CDK6: variants seen among roughly 807,000 people sequenced by gnomAD.
CDK6 encodes the protein cyclin-dependent kinase 6.
In CDK6, 6 loss-of-function variants were observed where a neutral mutation model predicts 37.1. That is an observed-to-expected ratio of 0.16 (90% CI 0.09 to 0.32). The LOEUF is 0.32. Among genes scored for constraint, CDK6 ranks in the 10% least tolerant of loss-of-function variants. The probability of loss-of-function intolerance (pLI) is 1.00; values close to 1 mark genes in which losing one functional copy is unlikely to be tolerated. For missense variants in CDK6, 224 were observed against 418.9 expected, an observed-to-expected ratio of 0.53 and a Z score of 4.06; for synonymous variants, 160 against 161.3, an observed-to-expected ratio of 0.99 and a Z score of 0.06.
At chr7:92,795,310 T>C (rs1039797445) in intron 2 of CDK6, among the ~76,000 whole-genome samples, 2 of 152,126 alleles carry the variant, frequency 1.3e-5, no homozygotes, top group African/African-American at 2.4e-5. Flanking sequence ...AATGTTTGGC[T>C]CATGAAAGGG....
rs113941367 is a variant in CDK6 at position 92,650,896 on chromosome 7, C to CT, written c.647+20529dup. 5.3e-3 allele frequency among the ~76,000 whole-genome samples: 772 copies of CT among 145,964 alleles called. 6 individuals are homozygous for CT. The highest frequency in any genetic ancestry group is 0.015 in the African/African-American group (607 of 40,062). ...CTTCTAGCCTGAGAAAATTCTCTCT[C>CT]TTTTTTTTTTTTTAGACGGAGTCTC... On this transcript the variant is annotated intron_variant, in intron 5 of 7. Coordinates refer to ENST00000424848, the MANE Select transcript of CDK6 (RefSeq NM_001145306.2).
Position 92,611,707 on chromosome 7 carries a change from A to G in CDK6, c.*3433T>C, listed in dbSNP as rs1328718779. Reference sequence around the variant, plus strand: ...GGAGAGTCAAACTATACATTTCTCTATAGAAAAGAAACATGCTTTATTTAA... The same window carrying G: ...GGAGAGTCAAACTATACATTTCTCTGTAGAAAAGAAACATGCTTTATTTAA... On this transcript the variant is annotated 3_prime_UTR_variant, in exon 8 of 8. Coordinates refer to ENST00000424848, the MANE Select transcript of CDK6 (RefSeq NM_001145306.2). The G allele has an allele frequency of 1.3e-5, 3 of 229,230 alleles. No homozygotes were observed. Among genetic ancestry groups the G allele is most frequent in the Non-Finnish European group, 2.6e-5 (3 of 115,704 alleles). The allele number at this position is 229,230 out of a possible 1,614,324, so 14.2% of individuals were successfully genotyped here.
Position 92,835,948 on chromosome 7 carries a change from G to A in CDK6, c.-368+530C>T, listed in dbSNP as rs921688674. On this transcript the variant is annotated intron_variant, in intron 1 of 7. Coordinates refer to ENST00000424848, the MANE Select transcript of CDK6 (RefSeq NM_001145306.2). This position sits in a 1 kb window ranked among gnomAD's most constrained non-coding sequence, Gnocchi z 4.2. ...TTTTCTGTGTATAACACGCCCGCAG[G>A]AAGCCTGCGTTAACATTTATCTCGT... Among the ~76,000 whole-genome samples, 1 of 152,262 alleles carries A rather than the reference G, an allele frequency of 6.6e-6. No individual in the cohort carries two copies. Among genetic ancestry groups the A allele is most frequent in the African/African-American group, 2.4e-5 (1 of 41,474 alleles).
At chr7:92,662,301 T>G (rs1796856740) in intron 5 of CDK6, among the ~76,000 whole-genome samples, 1 of 151,886 alleles carries the variant, frequency 6.6e-6, no homozygotes, top group South Asian at 2.1e-4. Context: ...GAGATGGGGC[T>G]GAATGTTGGG....
chr7:92,725,442 G>T, intron 4 of CDK6, 184 bp downstream of exon 4: 2 of 698,940 alleles, frequency 2.9e-6, no homozygotes, highest in Non-Finnish European at 3.5e-6. Context: ...GCCCAGGCTG[G>T]ATGTGACTGT....
Position 92,835,985 on chromosome 7 carries a change from T to G in CDK6, c.-368+493A>C, listed in dbSNP as rs1390982169. 1.3e-5 allele frequency among the ~76,000 whole-genome samples: 2 copies of G among 152,070 alleles called. No homozygotes were observed. Among genetic ancestry groups the G allele is most frequent in the Non-Finnish European group, 2.9e-5 (2 of 68,004 alleles). ...AACATTTATCTCGTGGAGGGGAAGGTGGAGCCCACACCCACACCTCAGCGA... is the reference window on the plus strand; with the variant it reads ...AACATTTATCTCGTGGAGGGGAAGGGGGAGCCCACACCCACACCTCAGCGA... On this transcript the variant is annotated intron_variant, in intron 1 of 7. Coordinates refer to ENST00000424848, the MANE Select transcript of CDK6 (RefSeq NM_001145306.2). This position sits in a 1 kb window ranked among gnomAD's most constrained non-coding sequence, Gnocchi z 4.2.
intron 2 of CDK6, among the ~76,000 whole-genome samples, chr7:92,798,423 C>T (rs1800474810): frequency 6.6e-6 from 1 of 152,266 alleles, no homozygotes; most frequent in South Asian, 2.1e-4. Context: ...CATTTCAACT[C>T]TAAGTTAACA....
intron 3 of CDK6, among the ~76,000 whole-genome samples, chr7:92,766,206 T>G (rs573491884): frequency 6.6e-6 from 1 of 152,242 alleles, no homozygotes; most frequent in South Asian, 2.1e-4. Context: ...GGATGGTCCA[T>G]AAAGGGGCAG....
intron 4 of CDK6, among the ~76,000 whole-genome samples, chr7:92,688,370 T>C (rs1797512712): frequency 6.6e-6 from 1 of 152,168 alleles, no homozygotes; most frequent in Admixed American, 6.5e-5. Context: ...CTAACTGGAC[T>C]TTCTTGGTAA....
intron 4 of CDK6, among the ~76,000 whole-genome samples, chr7:92,675,509 T>C (rs1797182894): frequency 6.6e-6 from 1 of 152,232 alleles, no homozygotes; most frequent in South Asian, 2.1e-4. Context: ...ACTCTGAAAT[T>C]CTATTTGCTA....
intron 2 of CDK6, among the ~76,000 whole-genome samples, 176 bp downstream of exon 2, chr7:92,832,915 C>T: frequency 6.6e-6 from 1 of 152,328 alleles, no homozygotes; most frequent in East Asian, 1.9e-4. Context: ...AGGTCACCGG[C>T]TCTGGCTCGC....
intron 2 of CDK6, among the ~76,000 whole-genome samples, chr7:92,785,974 C>T (rs889596099): frequency 2.0e-5 from 3 of 152,174 alleles, no homozygotes; most frequent in Non-Finnish European, 4.4e-5. Context: ...AAAAAAGGCA[C>T]ACTTCAATTC....
At chr7:92,735,721 A>G (rs192734382) in intron 3 of CDK6, among the ~76,000 whole-genome samples, 8 of 152,308 alleles carry the variant, frequency 5.3e-5, no homozygotes, top group Admixed American at 3.9e-4. Context: ...GAATCACCCA[A>G]TAGTCTATAG....
At chr7:92,801,040 T>A (rs1164673534) in intron 2 of CDK6, among the ~76,000 whole-genome samples, 1 of 152,164 alleles carries the variant, frequency 6.6e-6, no homozygotes, top group Non-Finnish European at 1.5e-5. Flanking sequence ...CAAATCTGTT[T>A]TACCTTTACA....
chr7:92,667,233 G>A (rs2116594265), intron 5 of CDK6, among the ~76,000 whole-genome samples: 2 of 152,260 alleles, frequency 1.3e-5, no homozygotes, highest in South Asian at 4.1e-4. Context: ...TTAGACACAA[G>A]GTTATCTAGG....
At chr7:92,805,873 G>A (rs1050103933) in intron 2 of CDK6, among the ~76,000 whole-genome samples, 2 of 151,994 alleles carry the variant, frequency 1.3e-5, no homozygotes, top group East Asian at 1.9e-4. Flanking sequence ...ACTACCTACC[G>A]GTTCTCTTCT....
intron 5 of CDK6, among the ~76,000 whole-genome samples, chr7:92,631,035 C>A (rs552167315): frequency 6.6e-6 from 1 of 152,304 alleles, no homozygotes; most frequent in South Asian, 2.1e-4. Context: ...CACCATACCA[C>A]ATAATAAACT....
rs1276119397 is a variant in CDK6, at chr7:92,718,656, G to A, written c.537+6970C>T. Among the ~76,000 whole-genome samples the A allele has an allele frequency of 2.6e-5, 4 of 152,136 alleles. No homozygotes were observed. In the East Asian group the frequency reaches 5.8e-4, roughly 22 times the overall value. ...ACATTCACAGGGCCCACATCCAGGC[G>A]CGTTCAACAGGAGGATGCTGGTGAC... On this transcript the variant is annotated intron_variant, in intron 4 of 7. Transcript: ENST00000424848.
In CDK6 at chr7:92,605,528, C is replaced by G. The variant is rs1281082580; in HGVS notation, c.*9612G>C. 1 of 233,002 alleles carries G rather than the reference C, an allele frequency of 4.3e-6. No individual in the cohort carries two copies. Among genetic ancestry groups the G allele is most frequent in the African/African-American group, 2.2e-5 (1 of 45,340 alleles). The allele number at this position is 233,002 out of a possible 1,614,324, so 14.4% of individuals were successfully genotyped here. On this transcript the variant is annotated 3_prime_UTR_variant, in exon 8 of 8. Transcript: ENST00000424848. ...TATTTTACGTTACATATTTACCCTACTTTTCTATTCTCCTCCTCAGATAGG... is the reference window on the plus strand; with the variant it reads ...TATTTTACGTTACATATTTACCCTAGTTTTCTATTCTCCTCCTCAGATAGG...
Sources: allele counts gnomAD v4.1 joint callset (sites outside exome capture counted in the v4.1 genomes callset), GRCh38; gene constraint gnomAD v4.1.1; non-coding constraint Gnocchi (gnomAD v3.1); transcripts MANE v1.5; gene names NCBI Gene and HGNC (gene_info 2026-07-23, HGNC 2026-07-21).